PLSCR2: variants seen among roughly 807,000 people sequenced by gnomAD.
PLSCR2 encodes phospholipid scramblase 2, also known as PL scramblase 2.
PLSCR2 carries 18 observed loss-of-function variants against 25.3 expected under a neutral mutation model. That is an observed-to-expected ratio of 0.71 (90% CI 0.49 to 1.06). The LOEUF is 1.06. Among genes scored for constraint, PLSCR2 ranks in the 50% least tolerant of loss-of-function variants. The probability of loss-of-function intolerance (pLI) is 0.00; values close to 1 mark genes in which losing one functional copy is unlikely to be tolerated. For missense variants in PLSCR2, 243 were observed against 269.5 expected, an observed-to-expected ratio of 0.90 and a Z score of 0.69; for synonymous variants, 88 against 87.3, an observed-to-expected ratio of 1.01 and a Z score of -0.04.
intron 2 of PLSCR2, among the ~76,000 whole-genome samples, chr3:146,411,542 G>C (rs1179212303): frequency 1.3e-5 from 2 of 152,182 alleles, no homozygotes; most frequent in African/African-American, 4.8e-5. Flanking sequence ...CCGTCCTTCC[G>C]GGGGAGCCTG....
At chr3:146,393,821 A>AAAAAC (rs2038181234) in intron 3 of PLSCR2, among the ~76,000 whole-genome samples, 1 of 151,804 alleles carries the variant, frequency 6.6e-6, no homozygotes, top group African/African-American at 2.4e-5. Context: ...AAAAAAAAAA[A>AAAAAC]AAACTTCTAA....
chr3:146,421,159 A>C (rs1345512558), intron 2 of PLSCR2, among the ~76,000 whole-genome samples: 1 of 152,074 alleles, frequency 6.6e-6, no homozygotes, highest in Non-Finnish European at 1.5e-5. Flanking sequence ...TTTAATCATA[A>C]ATCAGAAGAA....
chr3:146,488,970 T>C (rs1030118901), intron 1 of PLSCR2, among the ~76,000 whole-genome samples: 5 of 152,128 alleles, frequency 3.3e-5, no homozygotes, highest in South Asian at 4.1e-4. Flanking sequence ...ATATACACCA[T>C]GGAATACTAC....
intron 8 of PLSCR2, 71 bp from the exon 8 acceptor site, chr3:146,433,588 C>T (rs1167428037): frequency 6.6e-6 from 1 of 152,082 alleles, no homozygotes; most frequent in Admixed American, 6.6e-5. Flanking sequence ...CTCTAATCCT[C>T]ATTTTGGGTT....
downstream of PLSCR2, among the ~76,000 whole-genome samples, chr3:146,429,672 C>T (rs1370017827): frequency 6.6e-6 from 1 of 152,032 alleles, no homozygotes; most frequent in Admixed American, 6.6e-5. Context: ...TTCACACAGG[C>T]TGGAGTGCAG....
intron 1 of PLSCR2, among the ~76,000 whole-genome samples, chr3:146,479,569 C>T (rs1280547282): frequency 1.3e-5 from 2 of 152,134 alleles, no homozygotes; most frequent in Non-Finnish European, 2.9e-5. Flanking sequence ...GCACCCAGTA[C>T]AGGAGCATTC....
chr3:146,486,070 C>T (rs2043328995), intron 1 of PLSCR2, among the ~76,000 whole-genome samples: 1 of 151,630 alleles, frequency 6.6e-6, no homozygotes, highest in African/African-American at 2.4e-5. Context: ...CAAACTGTAT[C>T]AGTAAATAAT....
At chr3:146,460,354 C>T (rs1023268023) in exon 1 of PLSCR2, 1 of 353,016 alleles carries the variant, frequency 2.8e-6, no homozygotes, top group African/African-American at 2.2e-5. Context: ...TGCTTTTATA[C>T]CTGTGAAAGT....
chr3:146,490,543 A>G (rs949572490), intron 1 of PLSCR2, among the ~76,000 whole-genome samples: 1 of 152,118 alleles, frequency 6.6e-6, no homozygotes, highest in Admixed American at 6.5e-5. Context: ...TGGGTGTTCC[A>G]GTGTTGGGTT....
At chr3:146,401,149 C>T (rs1469995311) in intron 2 of PLSCR2, among the ~76,000 whole-genome samples, 3 of 152,108 alleles carry the variant, frequency 2.0e-5, no homozygotes, top group African/African-American at 7.2e-5. Context: ...GAATAGAAAA[C>T]ATCTAAAGAT....
At chr3:146,471,053 T>C (rs1195245064) in intron 1 of PLSCR2, among the ~76,000 whole-genome samples, 5 of 152,314 alleles carry the variant, frequency 3.3e-5, no homozygotes, top group Non-Finnish European at 7.3e-5. Context: ...TTTTGTTTTT[T>C]TTTTACATAA....
At chr3:146,396,784 A>G (rs1006409898) in intron 2 of PLSCR2, among the ~76,000 whole-genome samples, 1 of 152,148 alleles carries the variant, frequency 6.6e-6, no homozygotes, top group Non-Finnish European at 1.5e-5. Context: ...AAGTAGTGCT[A>G]AGGAATATGG....
chr3:146,456,581 A>G (rs1350524593), intron 3 of PLSCR2, among the ~76,000 whole-genome samples: 2 of 152,238 alleles, frequency 1.3e-5, no homozygotes, highest in Non-Finnish European at 2.9e-5. Context: ...AATGACATCA[A>G]TGGGGTTACA....
At chr3:146,488,097 T>A (rs1454986163) in intron 1 of PLSCR2, among the ~76,000 whole-genome samples, 2 of 151,942 alleles carry the variant, frequency 1.3e-5, no homozygotes, top group East Asian at 3.9e-4. Context: ...CCCTATTTAA[T>A]AAAAATAAGT....
At chr3:146,423,655 A>G (rs2039237946) in intron 2 of PLSCR2, among the ~76,000 whole-genome samples, 1 of 152,058 alleles carries the variant, frequency 6.6e-6, no homozygotes, top group African/African-American at 2.4e-5. Flanking sequence ...GTACCCTTAA[A>G]ATAGGTAGAT....
At chr3:146,423,863 CTAGTGCTTCCA>C (rs1193423993) in intron 2 of PLSCR2, among the ~76,000 whole-genome samples, 1 of 152,052 alleles carries the variant, frequency 6.6e-6, no homozygotes, top group Non-Finnish European at 1.5e-5. Flanking sequence ...AGATTCTTCC[CTAGTGCTTCCA>C]GAAATAATGA....
At chr3:146,460,292 T>C in exon 1 of PLSCR2, 2 of 1,165,452 alleles carry the variant, frequency 1.7e-6, no homozygotes, top group Non-Finnish European at 1.1e-6. Flanking sequence ...TCACTGTGAA[T>C]AGAGTCGGCC....
intron 2 of PLSCR2, among the ~76,000 whole-genome samples, chr3:146,400,138 T>C (rs138806392): frequency 1.3e-4 from 20 of 151,794 alleles, no homozygotes; most frequent in African/African-American, 4.8e-4. Context: ...AATAAATACA[T>C]ACATTCATAA....
At chr3:146,473,421 C>T (rs1326394769) in intron 1 of PLSCR2, among the ~76,000 whole-genome samples, 1 of 151,464 alleles carries the variant, frequency 6.6e-6, no homozygotes, top group East Asian at 2.0e-4. Context: ...AATTCTCCTA[C>T]CTCAGCCTCC....
Sources: gnomAD v4.1 joint callset for allele counts (sites outside exome capture counted in the v4.1 genomes callset) on GRCh38, gnomAD v4.1.1 for gene constraint, MANE v1.5 for transcripts, NCBI Gene and HGNC (gene_info 2026-07-23, HGNC 2026-07-21) for gene names.